Variants in GRM7 observed in about 807,000 individuals in gnomAD.
GRM7 encodes the protein metabotropic glutamate receptor 7.
Under a neutral mutation model 84.5 loss-of-function variants are expected in GRM7, and 35 were observed. The observed-to-expected ratio is 0.41, with a 90% CI of 0.32 to 0.55. The LOEUF (loss-of-function observed/expected upper bound fraction) is 0.55. Among genes scored for constraint, GRM7 ranks in the 20% least tolerant of loss-of-function variants. GRM7 has a pLI of 0.19. For missense variants in GRM7, 1,003 were observed against 1,194.6 expected, an observed-to-expected ratio of 0.84 and a Z score of 2.36; for synonymous variants, 487 against 455.1, an observed-to-expected ratio of 1.07 and a Z score of -0.89.
intron 8 of GRM7, among the ~76,000 whole-genome samples, chr3:7,660,150 AT>A (rs1315240106): frequency 6.6e-6 from 1 of 152,204 alleles, no homozygotes; most frequent in Non-Finnish European, 1.5e-5. Flanking sequence ...GCCCTAGATT[AT>A]TTCCCAGTTG....
chr3:6,927,333 CA>C (rs1229302733), intron 1 of GRM7, among the ~76,000 whole-genome samples: 7 of 152,048 alleles, frequency 4.6e-5, no homozygotes, highest in African/African-American at 1.7e-4. Context: ...GAGGCTGAGG[CA>C]GGAGAAGTGC....
At chr3:7,588,307 A>G (rs1236683939) in intron 8 of GRM7, among the ~76,000 whole-genome samples, 2 of 152,164 alleles carry the variant, frequency 1.3e-5, no homozygotes, top group Non-Finnish European at 1.5e-5. Context: ...TTCAGGGCAC[A>G]TGCCACCTGC....
At chr3:7,310,732 A>G (rs961221782) in intron 4 of GRM7, among the ~76,000 whole-genome samples, 3 of 152,200 alleles carry the variant, frequency 2.0e-5, no homozygotes, top group Non-Finnish European at 4.4e-5. Context: ...GACTACTTGA[A>G]AAAATATAGT....
At chr3:6,872,564 C>T (rs1009695872) in intron 1 of GRM7, among the ~76,000 whole-genome samples, 18 of 152,090 alleles carry the variant, frequency 1.2e-4, no homozygotes, top group Non-Finnish European at 1.9e-4. Flanking sequence ...CTGCACCCAT[C>T]AACTCTTCAT....
At chr3:7,593,002 G>T (rs1308528500) in intron 8 of GRM7, among the ~76,000 whole-genome samples, 1 of 152,118 alleles carries the variant, frequency 6.6e-6, no homozygotes, top group Non-Finnish European at 1.5e-5. Flanking sequence ...AGATAATGGG[G>T]CTCCCACACA....
intron 8 of GRM7, among the ~76,000 whole-genome samples, chr3:7,661,203 G>T (rs977705161): frequency 3.3e-5 from 5 of 152,172 alleles, no homozygotes; most frequent in Non-Finnish European, 7.3e-5. Context: ...TGCGAAGCAT[G>T]TGTCTGATAA....
At chr3:7,320,681 A>AGTGTGTGTGTGTGTGTGT (rs56313913) in intron 4 of GRM7, among the ~76,000 whole-genome samples, 61 of 141,248 alleles carry the variant, frequency 4.3e-4, no homozygotes, top group East Asian at 8.7e-4. Context: ...GTGGGTGATC[A>AGTGTGTGTGTGTGTGTGT]GTGTGTGTGT....
intron 5 of GRM7, among the ~76,000 whole-genome samples, chr3:7,423,582 A>C (rs1432964096): frequency 5.3e-5 from 8 of 152,124 alleles, no homozygotes. Context: ...ATCATCAAGC[A>C]AGTTACAGTA....
chr3:6,936,135 A>G (rs1403144069), intron 1 of GRM7, among the ~76,000 whole-genome samples: 1 of 152,114 alleles, frequency 6.6e-6, no homozygotes, highest in Non-Finnish European at 1.5e-5. Flanking sequence ...CCAGCATTCA[A>G]GGTTCCTCCA....
intron 1 of GRM7, among the ~76,000 whole-genome samples, chr3:7,107,835 A>C (rs190932574): frequency 2.2e-4 from 34 of 152,226 alleles, no homozygotes; most frequent in African/African-American, 7.9e-4. Flanking sequence ...TTTGTTAATT[A>C]GAAGTTACTT....
intron 1 of GRM7, among the ~76,000 whole-genome samples, chr3:6,971,003 C>CAAAT (rs1453847092): frequency 2.6e-5 from 4 of 151,358 alleles, no homozygotes; most frequent in African/African-American, 9.7e-5. Flanking sequence ...AACAAACAAA[C>CAAAT]AAACAAACAA....
intron 1 of GRM7, among the ~76,000 whole-genome samples, chr3:7,060,012 A>G (rs1697378041): frequency 6.6e-6 from 1 of 151,834 alleles, no homozygotes; most frequent in Admixed American, 6.6e-5. Flanking sequence ...TTCCAGGCGA[A>G]GTCCAAAGGC....
chr3:7,311,249 C>T (rs568532582), intron 4 of GRM7, among the ~76,000 whole-genome samples: 1 of 152,132 alleles, frequency 6.6e-6, no homozygotes, highest in African/African-American at 2.4e-5. Flanking sequence ...TGAGAGACAA[C>T]TTCTTCTACA....
intron 4 of GRM7, among the ~76,000 whole-genome samples, chr3:7,361,212 A>G (rs944198395): frequency 6.6e-6 from 1 of 152,144 alleles, no homozygotes; most frequent in African/African-American, 2.4e-5. Context: ...TTTACAAACA[A>G]TAAGTGTTTC....
intron 4 of GRM7, among the ~76,000 whole-genome samples, chr3:7,412,820 T>TTTTTTTTTTTTTTTTTTTTTTTTTTTTG (rs1328181153): frequency 6.6e-6 from 1 of 152,178 alleles, no homozygotes; most frequent in African/African-American, 2.4e-5. Flanking sequence ...CTTTTTCCTT[T>TTTTTTTTTTTTTTTTTTTTTTTTTTTTG]AACATGACTC....
chr3:7,678,107 A>G, intron 8 of GRM7, among the ~76,000 whole-genome samples: 1 of 152,132 alleles, frequency 6.6e-6, no homozygotes, highest in East Asian at 1.9e-4. Flanking sequence ...GAAAAAATAA[A>G]TATTAGGTAC....
chr3:7,727,387 A>T (rs1015639128), intron 9 of GRM7, among the ~76,000 whole-genome samples: 1 of 152,226 alleles, frequency 6.6e-6, no homozygotes, highest in African/African-American at 2.4e-5. Context: ...CTAAATTTTT[A>T]AAAATGATTA....
chr3:6,941,712 CTCT>C (rs1697900702), intron 1 of GRM7, among the ~76,000 whole-genome samples: 1 of 152,182 alleles, frequency 6.6e-6, no homozygotes, highest in South Asian at 2.1e-4. Flanking sequence ...ATATTTCAGT[CTCT>C]TCATTCATTC....
chr3:6,900,628 A>T lies in GRM7; in HGVS notation c.519+38721A>T, dbSNP rs542967149. Reference sequence around the variant, plus strand: ...TTGAAATGCGATGATATACAGAAAGAGAAGTCTACTATTGATTTTTAAAAG... The same window carrying T: ...TTGAAATGCGATGATATACAGAAAGTGAAGTCTACTATTGATTTTTAAAAG... On this transcript the variant is annotated intron_variant, in intron 1 of 9. Coordinates refer to ENST00000357716, the MANE Select transcript of GRM7 (RefSeq NM_000844.4). 6.6e-5 allele frequency among the ~76,000 whole-genome samples: 10 copies of T among 152,358 alleles called. No individual in the cohort carries two copies. In the South Asian group the frequency reaches 2.1e-3, roughly 32 times the overall value.
Sources: gnomAD v4.1 joint callset for allele counts (sites outside exome capture counted in the v4.1 genomes callset) on GRCh38, gnomAD v4.1.1 for gene constraint, MANE v1.5 for transcripts, NCBI Gene and HGNC (gene_info 2026-07-23, HGNC 2026-07-21) for gene names.